AMMECR1: variants seen among roughly 807,000 people sequenced by gnomAD.
AMMECR1 encodes the protein nuclear protein AMMECR1.
AMMECR1 carries 3 observed loss-of-function variants against 22.5 expected under a neutral mutation model. That is an observed-to-expected ratio of 0.13 (90% confidence interval 0.06 to 0.35). The LOEUF (loss-of-function observed/expected upper bound fraction) is 0.35. Ranked by LOEUF, AMMECR1 falls within the 10% of genes least tolerant of loss-of-function variation. AMMECR1 has a pLI of 1.00. For synonymous variants in AMMECR1, 130 were observed against 116.7 expected (o/e 1.11, Z -0.74); for missense variants, 235 against 278.7 (o/e 0.84, Z 1.12).
intron 2 of AMMECR1, among the ~76,000 whole-genome samples, chrX:110,353,270 T>G (rs891907280): frequency 1.8e-5 from 2 of 109,573 alleles, no homozygotes; most frequent in Non-Finnish European, 3.8e-5. Context: ...CAACTTTCAG[T>G]TTTGTCAATG....
At chrX:110,285,155 G>A (rs971699692) in intron 1 of AMMECR1, among the ~76,000 whole-genome samples, 2 of 111,780 alleles carry the variant, frequency 1.8e-5, no homozygotes, top group South Asian at 3.8e-4. Flanking sequence ...TGCTTAGAAC[G>A]GTGCCTAGAA....
upstream of AMMECR1, among the ~76,000 whole-genome samples, chrX:110,322,412 C>CT (rs2068082467): frequency 9.0e-6 from 1 of 111,560 alleles, no homozygotes; most frequent in Non-Finnish European, 1.9e-5. Context: ...TCTTTTCTCT[C>CT]TTTTTAAAAG....
chrX:110,414,600 G>A (rs1161736808), intron 2 of AMMECR1, among the ~76,000 whole-genome samples: 1 of 113,050 alleles, frequency 8.8e-6, no homozygotes, highest in East Asian at 2.8e-4. Flanking sequence ...ACTCACTAAC[G>A]TGACACAATT....
chrX:110,240,465 A>T (rs1602815762), intron 2 of AMMECR1, among the ~76,000 whole-genome samples: 1 of 104,989 alleles, frequency 9.5e-6, no homozygotes, highest in Non-Finnish European at 2.0e-5. Context: ...AACAAAGATT[A>T]AAAAAAAAAG....
chrX:110,342,753 T>C (rs1372505175), intron 2 of AMMECR1, among the ~76,000 whole-genome samples: 1 of 112,068 alleles, frequency 8.9e-6, no homozygotes, highest in African/African-American at 3.2e-5. Flanking sequence ...ATATACTACT[T>C]AATTACTTAA....
chrX:110,360,774 A>G (rs1312428885), intron 2 of AMMECR1, among the ~76,000 whole-genome samples: 2 of 111,344 alleles, frequency 1.8e-5, no homozygotes, highest in Non-Finnish European at 3.8e-5. Flanking sequence ...GTAAAAGCCA[A>G]GTAAGACAAG....
chrX:110,400,875 G>T (rs1335524495), intron 2 of AMMECR1, among the ~76,000 whole-genome samples: 1 of 111,869 alleles, frequency 8.9e-6, no homozygotes, highest in African/African-American at 3.3e-5. Flanking sequence ...TGTGGTAAAT[G>T]AATCAATGAA....
intron 2 of AMMECR1, among the ~76,000 whole-genome samples, chrX:110,350,730 G>T (rs1485407898): frequency 1.8e-5 from 2 of 110,961 alleles, no homozygotes; most frequent in African/African-American, 3.3e-5. Flanking sequence ...ACTTTGGGAG[G>T]GTGAGGTGGG....
chrX:110,254,832 TC>T lies in AMMECR1; in HGVS notation c.584+9656del, dbSNP rs1237192143. ...CAAAAAAGGACTGCAACAACAAACT[TC>T]CTCATCCACACCTCCAATAACATCT... On this transcript the variant is annotated intron_variant, in intron 2 of 5. Transcript: ENST00000262844. Among the ~76,000 whole-genome samples the T allele has an allele frequency of 2.7e-5, 3 of 111,825 alleles. No individual in the cohort carries two copies. The East Asian group carries it at 8.3e-4, about 31-fold the overall frequency.
chrX:110,214,092 T>G (rs2067460870), intron 3 of AMMECR1, among the ~76,000 whole-genome samples: 1 of 109,976 alleles, frequency 9.1e-6, no homozygotes, highest in Non-Finnish European at 1.9e-5. Context: ...TGAAACCCCA[T>G]CTCTACTAAA....
intron 2 of AMMECR1, among the ~76,000 whole-genome samples, chrX:110,327,752 A>G (rs2068103503): frequency 8.9e-6 from 1 of 112,198 alleles, no homozygotes; most frequent in African/African-American, 3.2e-5. Context: ...TATTATCATT[A>G]TTAGTATTAT....
intron 2 of AMMECR1, among the ~76,000 whole-genome samples, chrX:110,333,859 G>T (rs891952368): frequency 2.7e-5 from 3 of 110,182 alleles, no homozygotes; most frequent in African/African-American, 1.0e-4. Context: ...ATAGCATTAG[G>T]AGAAATACCT....
At chrX:110,318,868 A>G (rs759739422), upstream of AMMECR1, among the ~76,000 whole-genome samples, 1 of 112,212 alleles carries the variant, frequency 8.9e-6, no homozygotes, top group Non-Finnish European at 1.9e-5. Context: ...CCCCGTTTAA[A>G]CATTTAAAAG....
At chrX:110,429,243 CT>C (rs377376446) in intron 1 of AMMECR1, among the ~76,000 whole-genome samples, 85 of 106,323 alleles carry the variant, frequency 8.0e-4, no homozygotes, top group Middle Eastern at 4.7e-3. Context: ...TTTTGTTCAT[CT>C]TTTTTTTTTA....
chrX:110,198,396 C>T lies in AMMECR1; in HGVS notation c.*124G>A, dbSNP rs140462851. 473 of 352,976 alleles carry T rather than the reference C, an allele frequency of 1.3e-3. 4 individuals are homozygous for T. The highest frequency in any genetic ancestry group is 0.012 in the African/African-American group (440 of 37,767). The allele number at this position is 352,976 out of a possible 1,213,427, so 29.1% of individuals were successfully genotyped here. A position where few individuals can be genotyped will look rare whatever the true frequency, so the allele number is the denominator to read the frequency against. On this transcript the variant is annotated 3_prime_UTR_variant, in exon 6 of 6. Coordinates refer to ENST00000262844, the MANE Select transcript of AMMECR1 (RefSeq NM_015365.3). ...CTTAGTTGACGATGTCGAAGCTTCA[C>T]CATGGCAACGGAAACTATCATCATA...
chrX:110,219,815 C>A (rs2067491889), intron 2 of AMMECR1, among the ~76,000 whole-genome samples: 1 of 112,047 alleles, frequency 8.9e-6, no homozygotes, highest in South Asian at 3.7e-4. Context: ...TTGATTCTTG[C>A]ATTTTTTAGC....
At chrX:110,253,594 C>T (rs1421770582) in intron 2 of AMMECR1, among the ~76,000 whole-genome samples, 2 of 112,736 alleles carry the variant, frequency 1.8e-5, no homozygotes, top group Admixed American at 1.9e-4. Context: ...CATGTATTTA[C>T]AAACCCATGA....
In AMMECR1 at chrX:110,201,037, T is replaced by G; in HGVS notation, c.804A>C (p.Ile268=). ...EVAKEQGWDH[I]QTIDSLLRKG... ...TCCTCAATAAGGAGTCTATGGTCTG[T>G]ATATGGTCCCATCCTGTAGAGAGAT... The change falls in exon 5 of 6, where the codon ATA becomes ATC. Residue 268 remains isoleucine (I), a synonymous_variant. Transcript: ENST00000262844. 3 of 1,186,325 alleles carry G rather than the reference T, an allele frequency of 2.5e-6. No homozygotes were observed. The highest frequency in any genetic ancestry group is 3.4e-6 in the Non-Finnish European group (3 of 873,792).
At chrX:110,295,482 T>C (rs2067930805) in intron 1 of AMMECR1, among the ~76,000 whole-genome samples, 1 of 111,625 alleles carries the variant, frequency 9.0e-6, no homozygotes, top group Non-Finnish European at 1.9e-5. Context: ...GAAAATGTTC[T>C]GAGAATTAAT....
Sources: allele counts gnomAD v4.1 joint callset (sites outside exome capture counted in the v4.1 genomes callset), GRCh38; gene constraint gnomAD v4.1.1; transcripts MANE v1.5; gene names NCBI Gene and HGNC (gene_info 2026-07-23, HGNC 2026-07-21).